The following PLXDC2 variants were observed in gnomAD, a reference collection of about 807,000 sequenced individuals.
The protein encoded by PLXDC2 is plexin domain-containing protein 2.
PLXDC2 carries 40 observed loss-of-function variants against 68.9 expected under a neutral mutation model. That is an observed-to-expected ratio of 0.58 (90% confidence interval 0.45 to 0.76). The LOEUF (loss-of-function observed/expected upper bound fraction) is 0.76, where lower values mean the gene tolerates loss of function less well. Among genes scored for constraint, PLXDC2 ranks in the 30% least tolerant of loss-of-function variants. The pLI is 0.00. For missense variants in PLXDC2, 644 were observed against 661.9 expected, an observed-to-expected ratio of 0.97 and a Z score of 0.30; for synonymous variants, 243 against 234.2, an observed-to-expected ratio of 1.04 and a Z score of -0.34.
chr10:19,911,840 C>T (rs1325918651), intron 1 of PLXDC2, among the ~76,000 whole-genome samples: 1 of 152,076 alleles, frequency 6.6e-6, no homozygotes, highest in Non-Finnish European at 1.5e-5. Flanking sequence ...TGTTACAGAT[C>T]AGTATTTAAT....
At chr10:20,000,248 T>G (rs1475562309) in intron 1 of PLXDC2, among the ~76,000 whole-genome samples, 2 of 151,798 alleles carry the variant, frequency 1.3e-5, no homozygotes, top group African/African-American at 4.8e-5. Context: ...GTGTCCACAC[T>G]CAGCCCTTTA....
intron 1 of PLXDC2, among the ~76,000 whole-genome samples, chr10:19,906,374 T>C (rs1236778718): frequency 1.3e-5 from 2 of 152,098 alleles, no homozygotes; most frequent in Admixed American, 6.6e-5. Flanking sequence ...AGGAGGAAGA[T>C]GAGCAAAAGG....
intron 4 of PLXDC2, among the ~76,000 whole-genome samples, chr10:20,090,077 A>C (rs1007791725): frequency 2.0e-5 from 3 of 152,188 alleles, no homozygotes; most frequent in African/African-American, 7.2e-5. Context: ...AATGAAGCTG[A>C]ATCTTCCCAG....
At chr10:19,969,296 C>G (rs1328918243) in intron 1 of PLXDC2, among the ~76,000 whole-genome samples, 1 of 152,166 alleles carries the variant, frequency 6.6e-6, no homozygotes, top group African/African-American at 2.4e-5. Flanking sequence ...CATATGTACT[C>G]GGTTTCTGTT....
At chr10:19,985,900 C>G (rs945635705) in intron 1 of PLXDC2, among the ~76,000 whole-genome samples, 3 of 152,164 alleles carry the variant, frequency 2.0e-5, no homozygotes, top group Non-Finnish European at 1.5e-5. Context: ...ACGGTTTCTT[C>G]TCACCTTCCC....
intron 1 of PLXDC2, among the ~76,000 whole-genome samples, chr10:19,892,153 T>C (rs1837973846): frequency 6.6e-6 from 1 of 152,228 alleles, no homozygotes; most frequent in African/African-American, 2.4e-5. Context: ...TGTTTACATA[T>C]AACAATAATA....
chr10:20,011,824 A>G (rs1835118997), intron 2 of PLXDC2, among the ~76,000 whole-genome samples: 1 of 152,234 alleles, frequency 6.6e-6, no homozygotes. Flanking sequence ...AGTATGATGA[A>G]TCTACTCTGT....
At position 20,068,616 on chromosome 10, in the gene PLXDC2, A is replaced by C. The variant is rs371945112; in HGVS notation, c.541+377A>C. The stretch of plus-strand genomic sequence containing the variant: ...TGTATATAGTTGCTATATATATATT[A>C]TATATATATAATATATATTTACATA... On this transcript the variant is annotated intron_variant, in intron 4 of 13. Coordinates refer to ENST00000377252, the MANE Select transcript of PLXDC2 (RefSeq NM_032812.9). Among the ~76,000 whole-genome samples, 15 of 147,540 alleles carry C rather than the reference A, an allele frequency of 1.0e-4. No homozygotes were observed. In the East Asian group the frequency reaches 2.9e-3, roughly 29 times the overall value.
At chr10:19,917,342 A>T (rs1833387286) in intron 1 of PLXDC2, among the ~76,000 whole-genome samples, 1 of 152,114 alleles carries the variant, frequency 6.6e-6, no homozygotes, top group Admixed American at 6.6e-5. Flanking sequence ...GTTCGCTTTA[A>T]GCTCAGCCAG....
intron 4 of PLXDC2, among the ~76,000 whole-genome samples, chr10:20,122,662 C>T (rs984724787): frequency 9.2e-5 from 14 of 152,128 alleles, no homozygotes; most frequent in Non-Finnish European, 1.9e-4. Context: ...AATGTCTGGC[C>T]GCTGCGGTTC....
At chr10:20,114,493 A>T (rs1833597891) in intron 4 of PLXDC2, among the ~76,000 whole-genome samples, 1 of 152,300 alleles carries the variant, frequency 6.6e-6, no homozygotes, top group African/African-American at 2.4e-5. Context: ...AGGTGGTGAG[A>T]GAGGGGAATA....
chr10:20,014,378 C>CCTTG lies in PLXDC2; in HGVS notation c.324+12396_324+12399dup, dbSNP rs1193731862. ...CCTTTCCTTCCTTCCTTCCTTCCTT[C>CCTTG]CTTGCTTCCTTCCTTCCTTCCTTCC... On this transcript the variant is annotated intron_variant, in intron 2 of 13. Coordinates refer to ENST00000377252, the MANE Select transcript of PLXDC2 (RefSeq NM_032812.9). 1.2e-3 allele frequency among the ~76,000 whole-genome samples: 73 copies of CCTTG among 59,634 alleles called. No homozygotes were observed. In the East Asian group the frequency reaches 0.023, roughly 19 times the overall value. 39.1% of individuals were successfully genotyped at this position (59,634 alleles called of 152,430 possible).
At chr10:20,274,085 G>A (rs1835974156) in intron 13 of PLXDC2, among the ~76,000 whole-genome samples, 1 of 151,072 alleles carries the variant, frequency 6.6e-6, no homozygotes, top group Non-Finnish European at 1.5e-5. Context: ...GGGGAGGGGA[G>A]GGGAGAGGAG....
intron 13 of PLXDC2, among the ~76,000 whole-genome samples, chr10:20,256,202 A>G (rs1203615665): frequency 6.6e-6 from 1 of 151,652 alleles, no homozygotes; most frequent in Non-Finnish European, 1.5e-5. Flanking sequence ...GCACAATTTC[A>G]GCTCACTGCA....
intron 1 of PLXDC2, among the ~76,000 whole-genome samples, chr10:19,994,253 CTTTTTTT>C (rs528321973): frequency 0.3 from 26,565 of 87,390 alleles, 3,627 homozygotes; most frequent in East Asian, 0.56. Flanking sequence ...TTGTATTCTC[CTTTTTTT>C]TTTTTTTTTT....
At chr10:19,823,691 A>G (rs910580683) in intron 1 of PLXDC2, among the ~76,000 whole-genome samples, 5 of 151,938 alleles carry the variant, frequency 3.3e-5, no homozygotes, top group African/African-American at 1.2e-4. Flanking sequence ...AAATTCTCAT[A>G]AAACTTGTTT....
chr10:20,033,571 G>A (rs1172626360), intron 2 of PLXDC2, among the ~76,000 whole-genome samples: 1 of 152,174 alleles, frequency 6.6e-6, no homozygotes, highest in Non-Finnish European at 1.5e-5. Flanking sequence ...CACGGCAGAA[G>A]GCGAAGGAAG....
chr10:20,048,626 G>A (rs568658823), intron 3 of PLXDC2, among the ~76,000 whole-genome samples: 10 of 152,192 alleles, frequency 6.6e-5, no homozygotes, highest in South Asian at 2.1e-4. Context: ...ATTCTGTGAC[G>A]TGGCCTAGTC....
chr10:20,259,989 TAAG>T (rs1588548968), intron 13 of PLXDC2, among the ~76,000 whole-genome samples: 1 of 152,194 alleles, frequency 6.6e-6, no homozygotes, highest in Non-Finnish European at 1.5e-5. Context: ...CGAGAAATAC[TAAG>T]AAGAAAACCA....
Sources: allele counts gnomAD v4.1 joint callset (sites outside exome capture counted in the v4.1 genomes callset), GRCh38; gene constraint gnomAD v4.1.1; transcripts MANE v1.5; gene names NCBI Gene and HGNC (gene_info 2026-07-23, HGNC 2026-07-21).